NLGN1: variants seen among roughly 807,000 people sequenced by gnomAD.
NLGN1 encodes neuroligin 1.
Under a neutral mutation model 65.5 loss-of-function variants are expected in NLGN1, and 12 were observed. That is an observed-to-expected ratio of 0.18 (90% CI 0.12 to 0.30). The LOEUF (loss-of-function observed/expected upper bound fraction) is 0.30, where lower values mean the gene tolerates loss of function less well. Among genes scored for constraint, NLGN1 ranks in the 10% least tolerant of loss-of-function variants. The pLI, the probability that NLGN1 is intolerant of heterozygous loss-of-function variation, is 1.00. For missense variants in NLGN1, 750 were observed against 1,007.1 expected, an observed-to-expected ratio of 0.74 and a Z score of 3.46; for synonymous variants, 350 against 359.5, an observed-to-expected ratio of 0.97 and a Z score of 0.30.
At chr3:173,829,797 T>G (rs1722135217) in intron 4 of NLGN1, among the ~76,000 whole-genome samples, 1 of 152,240 alleles carries the variant, frequency 6.6e-6, no homozygotes, top group African/African-American at 2.4e-5. Flanking sequence ...TTGCTGATTC[T>G]TCTGCCCCCT....
intron 3 of NLGN1, among the ~76,000 whole-genome samples, chr3:173,709,044 A>C (rs1184305679): frequency 6.6e-6 from 1 of 152,254 alleles, no homozygotes; most frequent in Admixed American, 6.5e-5. Flanking sequence ...TGTGAAAGAC[A>C]CAAAGCATAC....
intron 4 of NLGN1, among the ~76,000 whole-genome samples, chr3:174,154,983 T>TAATATATA (rs1199654447): frequency 0.049 from 6,757 of 137,182 alleles, 407 homozygotes; most frequent in African/African-American, 0.1. Context: ...TAATATATTA[T>TAATATATA]ATTATATATT....
intron 2 of NLGN1, among the ~76,000 whole-genome samples, chr3:173,556,896 CTT>C (rs1225457993): frequency 6.6e-6 from 1 of 151,952 alleles, no homozygotes; most frequent in African/African-American, 2.4e-5. Context: ...GTTATTGAAA[CTT>C]ATTTTTTGCC....
intron 2 of NLGN1, among the ~76,000 whole-genome samples, chr3:173,469,028 T>A (rs1434733400): frequency 6.6e-6 from 1 of 152,092 alleles, no homozygotes; most frequent in Non-Finnish European, 1.5e-5. Context: ...TAATATCTGT[T>A]CTGTCTCCAT....
intron 1 of NLGN1, among the ~76,000 whole-genome samples, chr3:173,415,689 T>C (rs900257050): frequency 3.3e-5 from 5 of 152,140 alleles, no homozygotes; most frequent in African/African-American, 1.2e-4. Flanking sequence ...TTAAACTCTA[T>C]ATGAATATAG....
At chr3:173,976,771 C>T (rs1181463282) in intron 4 of NLGN1, among the ~76,000 whole-genome samples, 3 of 152,030 alleles carry the variant, frequency 2.0e-5, no homozygotes, top group Admixed American at 2.0e-4. Context: ...GCTGTCATTT[C>T]CTCATGCACA....
intron 4 of NLGN1, among the ~76,000 whole-genome samples, chr3:174,067,254 C>T (rs1738824559): frequency 6.6e-6 from 1 of 152,020 alleles, no homozygotes; most frequent in African/African-American, 2.4e-5. Context: ...TCCAAAGCTC[C>T]ATTAAATTAA....
chr3:173,930,044 A>T (rs1579251500), intron 4 of NLGN1, among the ~76,000 whole-genome samples: 1 of 152,084 alleles, frequency 6.6e-6, no homozygotes, highest in Admixed American at 6.6e-5. Flanking sequence ...CTTTTTTCTG[A>T]TGACACCTGA....
chr3:174,270,503 A>C (rs1577719600), intron 4 of NLGN1, among the ~76,000 whole-genome samples: 1 of 151,866 alleles, frequency 6.6e-6, no homozygotes, highest in Non-Finnish European at 1.5e-5. Flanking sequence ...ACAATTTTGA[A>C]TCAAACAGAA....
At chr3:173,604,992 C>A in exon 3 of NLGN1, 1 of 1,613,598 alleles carries the variant, frequency 6.2e-7, no homozygotes, top group Non-Finnish European at 8.5e-7. Flanking sequence ...AGTCATGCTT[C>A]CTGTGTGGTT....
intron 3 of NLGN1, chr3:173,789,914 A>G (rs1355433471): frequency 2.0e-6 from 1 of 508,746 alleles, no homozygotes; most frequent in Non-Finnish European, 3.9e-6. Context: ...TCTATTGAGG[A>G]CAAGGCACCT....
chr3:174,280,589 C>G lies in NLGN1; in HGVS notation c.1758C>G (p.Leu586=), dbSNP rs1299537704. The change falls in exon 7 of 7, where the codon CTC becomes CTG. Residue 586 remains leucine (L), a synonymous_variant. Coordinates refer to ENST00000457714, the Ensembl canonical transcript of NLGN1. The surrounding 1 kb of genome is among the most constrained non-coding windows in gnomAD (Gnocchi z 4.9). Reference sequence around the variant, plus strand: ...ATTCCCAGAAAGACCAACTTTATCTCCATATTGGATTAAAACCAAGAGTTA... The same window carrying G: ...ATTCCCAGAAAGACCAACTTTATCTGCATATTGGATTAAAACCAAGAGTTA... The G allele has an allele frequency of 6.2e-7, 1 of 1,613,166 alleles. No homozygotes were observed. Among genetic ancestry groups the G allele is most frequent in the Middle Eastern group, 1.7e-4 (1 of 6,052 alleles).
chr3:173,616,004 G>T (rs1753009435), intron 3 of NLGN1, among the ~76,000 whole-genome samples: 1 of 152,042 alleles, frequency 6.6e-6, no homozygotes. Context: ...TGTCTTGTGG[G>T]GGAGGCAGAT....
At chr3:173,945,379 A>G (rs1017358805) in intron 4 of NLGN1, among the ~76,000 whole-genome samples, 6 of 151,916 alleles carry the variant, frequency 3.9e-5, no homozygotes, top group African/African-American at 1.5e-4. Flanking sequence ...GTGCCTCTGG[A>G]GTGTGCAGAG....
chr3:173,853,835 G>A (rs945777437), intron 4 of NLGN1, among the ~76,000 whole-genome samples: 3 of 151,882 alleles, frequency 2.0e-5, no homozygotes, highest in Non-Finnish European at 4.4e-5. Context: ...CTCATGGTCA[G>A]CAGTAATAAA....
At chr3:173,958,817 C>G (rs1014802343) in intron 4 of NLGN1, among the ~76,000 whole-genome samples, 2 of 152,212 alleles carry the variant, frequency 1.3e-5, no homozygotes, top group African/African-American at 4.8e-5. Context: ...CAGTGTTGAG[C>G]TGCCCTCAGC....
intron 3 of NLGN1, among the ~76,000 whole-genome samples, chr3:173,643,815 C>G (rs989214754): frequency 2.0e-5 from 3 of 152,142 alleles, no homozygotes; most frequent in African/African-American, 7.2e-5. Flanking sequence ...CTCAAGTGAT[C>G]CTGCCACTTC....
intron 2 of NLGN1, among the ~76,000 whole-genome samples, chr3:173,500,537 G>C (rs183052624): frequency 3.2e-4 from 48 of 152,166 alleles, no homozygotes; most frequent in Non-Finnish European, 6.5e-4. Flanking sequence ...TCTGTGCCAG[G>C]CTTTGGTATC....
At chr3:173,923,067 A>G (rs1288899700) in intron 4 of NLGN1, among the ~76,000 whole-genome samples, 2 of 151,164 alleles carry the variant, frequency 1.3e-5, no homozygotes, top group African/African-American at 4.9e-5. Flanking sequence ...TTTTTCAGCA[A>G]TCTTACCTAC....
Sources: allele counts gnomAD v4.1 joint callset (sites outside exome capture counted in the v4.1 genomes callset), GRCh38; gene constraint gnomAD v4.1.1; non-coding constraint Gnocchi (gnomAD v3.1); transcripts MANE v1.5; gene names NCBI Gene and HGNC (gene_info 2026-07-23, HGNC 2026-07-21).